The following DCBLD2 variants were observed in gnomAD, a reference collection of about 807,000 sequenced individuals.
The protein encoded by DCBLD2 is discoidin, CUB and LCCL domain containing 2.
In DCBLD2, 54 loss-of-function variants were observed where a neutral mutation model predicts 86.8. That is an observed-to-expected ratio of 0.62 (90% CI 0.50 to 0.78). The LOEUF is 0.78. Ranked by LOEUF, DCBLD2 falls within the 30% of genes least tolerant of loss-of-function variation. The pLI is 0.00. For synonymous variants in DCBLD2, 354 were observed against 341.3 expected, an observed-to-expected ratio of 1.04 and a Z score of -0.41; for missense variants, 908 against 954.2, an observed-to-expected ratio of 0.95 and a Z score of 0.64.
intron 2 of DCBLD2, among the ~76,000 whole-genome samples, chr3:98,849,835 G>C (rs1942801220): frequency 6.6e-6 from 1 of 152,056 alleles, no homozygotes; most frequent in Admixed American, 6.6e-5. Flanking sequence ...AACTTATAGA[G>C]ATTAATTTCC....
In DCBLD2 at chr3:98,817,773, T is replaced by A; in HGVS notation, c.1208A>T (p.Asp403Val). The A allele has an allele frequency of 6.2e-7, 1 of 1,613,462 alleles. No homozygotes were observed. The highest frequency in any genetic ancestry group is 1.1e-5 in the South Asian group (1 of 91,050). ...ATACCTTGGTAATCATTTTACCTTATCTTGCTCCACACCAGGCTCTCTGTA... is the reference window on the plus strand; with the variant it reads ...ATACCTTGGTAATCATTTTACCTTAACTTGCTCCACACCAGGCTCTCTGTA... Reference protein sequence around the residue: ...TVYREPGVEQDKIFQGNKDYH... With the variant: ...TVYREPGVEQVKIFQGNKDYH... The change falls in exon 9 of 16, where the codon GAT (aspartate) becomes GTT (valine). Residue 403 changes from aspartate to valine, a missense_variant. Asp to Val is a radical substitution (Grantham distance 152). Transcript: ENST00000326840.
At chr3:98,799,885 A>G in intron 15 of DCBLD2, 44 bp from the exon 16 acceptor site, 1 of 1,496,562 alleles carries the variant, frequency 6.7e-7, no homozygotes, top group South Asian at 1.3e-5. Context: ...TTACTAGTAA[A>G]GAGATTGCAT....
rs574499804 is a variant in DCBLD2 at position 98,867,274 on chromosome 3, T to C, written c.433+14266A>G. On this transcript the variant is annotated intron_variant, in intron 2 of 15. Transcript: ENST00000326840. ...CATTGGTAGCTTGATGGGGATGGCA[T>C]TGAATCTATAAATTACCTTGGGCAG... Among the ~76,000 whole-genome samples, 804 of 152,324 alleles carry C rather than the reference T, an allele frequency of 5.3e-3. 6 individuals are homozygous for C. Among genetic ancestry groups the C allele is most frequent in the African/African-American group, 0.018 (756 of 41,560 alleles).
intron 8 of DCBLD2, 85 bp from the exon 9 acceptor site, chr3:98,817,978 G>T: frequency 6.7e-7 from 1 of 1,493,248 alleles, no homozygotes; most frequent in Non-Finnish European, 9.1e-7. Context: ...CACTTGAAAT[G>T]CACAGCTCGA....
intron 13 of DCBLD2, among the ~76,000 whole-genome samples, chr3:98,802,169 C>T (rs1364951241): frequency 6.6e-6 from 1 of 152,214 alleles, no homozygotes; most frequent in Admixed American, 6.5e-5. Flanking sequence ...TACAGTCCTA[C>T]CAACAGTGTA....
At chr3:98,897,991 G>GT (rs1230096679) in intron 1 of DCBLD2, among the ~76,000 whole-genome samples, 1 of 151,950 alleles carries the variant, frequency 6.6e-6, no homozygotes, top group African/African-American at 2.4e-5. Context: ...ACCAGCATAA[G>GT]TTTCACCAAT....
intron 1 of DCBLD2, among the ~76,000 whole-genome samples, chr3:98,899,260 CTTTTTTTT>C (rs10605926): frequency 2.9e-5 from 3 of 101,752 alleles, no homozygotes; most frequent in African/African-American, 1.0e-4. Flanking sequence ...ATTTCTTTTT[CTTTTTTTT>C]TTTTTTTTTT....
At chr3:98,800,853 C>CTT (rs11374885) in intron 14 of DCBLD2, 137 bp from the exon 15 acceptor site, 17,880 of 835,522 alleles carry the variant, frequency 0.021, 8 homozygotes, top group Admixed American at 0.028. Context: ...TATAATCCAA[C>CTT]TTTTTTTTTT....
intron 3 of DCBLD2, among the ~76,000 whole-genome samples, chr3:98,847,088 T>C (rs1304104834): frequency 6.6e-6 from 1 of 152,230 alleles, no homozygotes; most frequent in Non-Finnish European, 1.5e-5. Flanking sequence ...TCCATTATCA[T>C]CTCACTTGTG....
chr3:98,835,929 C>CCTTT (rs1553726365), intron 3 of DCBLD2, among the ~76,000 whole-genome samples: 3,925 of 19,650 alleles, frequency 0.2, 120 homozygotes, highest in Middle Eastern at 0.43. Context: ...TTTCTTCCTT[C>CCTTT]CTTTCTTTCT....
At chr3:98,881,449 A>C in intron 2 of DCBLD2, 91 bp downstream of exon 2, 2 of 1,190,838 alleles carry the variant, frequency 1.7e-6, no homozygotes, top group South Asian at 1.4e-5. Flanking sequence ...ATAGCACCTT[A>C]CACTGCATGG....
At chr3:98,831,000 T>C (rs1942310953) in intron 3 of DCBLD2, among the ~76,000 whole-genome samples, 1 of 152,132 alleles carries the variant, frequency 6.6e-6, no homozygotes, top group Admixed American at 6.5e-5. Flanking sequence ...TTTGTGGCAA[T>C]TGTGAATGGG....
intron 1 of DCBLD2, among the ~76,000 whole-genome samples, chr3:98,892,101 T>C (rs1484394617): frequency 6.6e-6 from 1 of 152,066 alleles, no homozygotes; most frequent in Non-Finnish European, 1.5e-5. Flanking sequence ...CATTAGAAAG[T>C]ACATAGGCTT....
chr3:98,850,723 A>G (rs1320225905), intron 2 of DCBLD2, among the ~76,000 whole-genome samples: 1 of 152,154 alleles, frequency 6.6e-6, no homozygotes, highest in Admixed American at 6.5e-5. Flanking sequence ...TCTTATGAGT[A>G]GTGAATTCTA....
chr3:98,898,005 A>G (rs1309573161), intron 1 of DCBLD2, among the ~76,000 whole-genome samples: 1 of 152,108 alleles, frequency 6.6e-6, no homozygotes, highest in Non-Finnish European at 1.5e-5. Flanking sequence ...CACCAATTTA[A>G]TTTTTTTGAG....
intron 9 of DCBLD2, chr3:98,814,405 A>G (rs1941987786): frequency 6.6e-6 from 1 of 152,226 alleles, no homozygotes; most frequent in South Asian, 2.1e-4. Flanking sequence ...TTTTATAAAA[A>G]CTGAGTAAAA....
chr3:98,827,752 A>G (rs1942247432), intron 3 of DCBLD2, among the ~76,000 whole-genome samples: 1 of 152,252 alleles, frequency 6.6e-6, no homozygotes. Flanking sequence ...CTTTCTTAAA[A>G]GCTTTTCCCA....
chr3:98,875,480 G>A (rs1397585452), intron 2 of DCBLD2, among the ~76,000 whole-genome samples: 2 of 152,114 alleles, frequency 1.3e-5, no homozygotes, highest in Non-Finnish European at 2.9e-5. Flanking sequence ...ACATCATAAA[G>A]TTAATTTATA....
intron 2 of DCBLD2, among the ~76,000 whole-genome samples, chr3:98,871,291 A>G (rs1179652319): frequency 6.6e-6 from 1 of 152,088 alleles, no homozygotes; most frequent in Non-Finnish European, 1.5e-5. Flanking sequence ...CTCTTGCCTG[A>G]CTGTTCTAGC....
Sources: allele counts gnomAD v4.1 joint callset (sites outside exome capture counted in the v4.1 genomes callset), GRCh38; gene constraint gnomAD v4.1.1; transcripts MANE v1.5; gene names NCBI Gene and HGNC (gene_info 2026-07-23, HGNC 2026-07-21).